ZFYVE9: variants seen among roughly 807,000 people sequenced by gnomAD.
ZFYVE9 encodes zinc finger FYVE-type containing 9.
ZFYVE9 carries 43 observed loss-of-function variants against 126.7 expected under a neutral mutation model. The observed-to-expected ratio is 0.34, with a 90% CI of 0.27 to 0.44. The LOEUF is 0.44. Ranked by LOEUF, ZFYVE9 falls within the 20% of genes least tolerant of loss-of-function variation. The pLI is 1.00. For missense variants in ZFYVE9, 1,476 were observed against 1,697.0 expected (o/e 0.87, Z 2.29); for synonymous variants, 521 against 597.4 (o/e 0.87, Z 1.87).
chr1:52,257,529 G>A (rs1184735803), intron 4 of ZFYVE9, among the ~76,000 whole-genome samples: 1 of 152,148 alleles, frequency 6.6e-6, no homozygotes, highest in Non-Finnish European at 1.5e-5. Context: ...TGCTTAGGCA[G>A]GTCATACGGA....
chr1:52,214,217 A>G (rs1645052243), intron 1 of ZFYVE9, among the ~76,000 whole-genome samples: 1 of 152,156 alleles, frequency 6.6e-6, no homozygotes, highest in South Asian at 2.1e-4. Context: ...TCTTGAGGTC[A>G]GTAGTTTGAG....
chr1:52,216,014 A>G (rs1189785640), intron 1 of ZFYVE9, among the ~76,000 whole-genome samples: 1 of 152,236 alleles, frequency 6.6e-6, no homozygotes, highest in Non-Finnish European at 1.5e-5. Flanking sequence ...CAGTTTTCTT[A>G]GCTTTGGATT....
chr1:52,238,404 T>A lies in ZFYVE9; in HGVS notation c.987T>A (p.Thr329=). The change falls in exon 4 of 19, where the codon ACT becomes ACA. Residue 329 remains threonine (T), a synonymous_variant. Coordinates refer to ENST00000287727, the MANE Select transcript of ZFYVE9 (RefSeq NM_004799.4). ...MKKEPAEEST[T]EESLRSGLPL... ...AAGAGCCAGCAGAGGAGAGCACCACTGAAGAATCCCTCCGGTCTGGTTTAC... is the reference window on the plus strand; with the variant it reads ...AAGAGCCAGCAGAGGAGAGCACCACAGAAGAATCCCTCCGGTCTGGTTTAC... 6.2e-7 allele frequency: 1 copy of A among 1,614,026 alleles called. No homozygotes were observed. The highest frequency in any genetic ancestry group is 8.5e-7 in the Non-Finnish European group (1 of 1,179,964).
intron 1 of ZFYVE9, among the ~76,000 whole-genome samples, chr1:52,207,999 C>T (rs1376444813): frequency 2.6e-5 from 4 of 152,136 alleles, no homozygotes; most frequent in African/African-American, 9.7e-5. Flanking sequence ...GAGAGGTTAT[C>T]TTGCTCAAAG....
At chr1:52,186,318 C>T (rs1246664871) in intron 1 of ZFYVE9, among the ~76,000 whole-genome samples, 1 of 151,842 alleles carries the variant, frequency 6.6e-6, no homozygotes, top group African/African-American at 2.4e-5. Flanking sequence ...AAGGAACATA[C>T]CTTAAAATAA....
intron 8 of ZFYVE9, among the ~76,000 whole-genome samples, chr1:52,275,686 A>G (rs1168942564): frequency 6.6e-6 from 1 of 152,186 alleles, no homozygotes; most frequent in African/African-American, 2.4e-5. Context: ...TACAATTACT[A>G]CATTTTTAGA....
intron 1 of ZFYVE9, among the ~76,000 whole-genome samples, chr1:52,214,410 G>T (rs762888574): frequency 2.6e-5 from 4 of 152,100 alleles, no homozygotes; most frequent in Non-Finnish European, 5.9e-5. Context: ...CTGGGTGATT[G>T]AGTGAGACTC....
intron 13 of ZFYVE9, among the ~76,000 whole-genome samples, chr1:52,310,455 TCCTAGGTAC>T (rs1646127309): frequency 7.3e-6 from 1 of 137,350 alleles, no homozygotes; most frequent in East Asian, 2.5e-4. Context: ...ATGTGTATAG[TCCTAGGTAC>T]AGGCTGAGGT....
chr1:52,278,373 C>T (rs1338304101), intron 8 of ZFYVE9, 119 bp from the exon 9 acceptor site: 2 of 1,303,460 alleles, frequency 1.5e-6, no homozygotes, highest in Non-Finnish European at 2.2e-6. Flanking sequence ...TCTGTATGCA[C>T]CTATTGATAA....
intron 4 of ZFYVE9, among the ~76,000 whole-genome samples, chr1:52,243,184 C>T (rs1645352074): frequency 6.6e-6 from 1 of 152,212 alleles, no homozygotes. Flanking sequence ...TGTCACTGTG[C>T]TGGGTGCCGA....
At chr1:52,251,132 C>T (rs949486528) in intron 4 of ZFYVE9, among the ~76,000 whole-genome samples, 10 of 151,780 alleles carry the variant, frequency 6.6e-5, no homozygotes, top group Admixed American at 6.6e-5. Flanking sequence ...AGTGCAGTGG[C>T]GCGATCTTGG....
intron 13 of ZFYVE9, among the ~76,000 whole-genome samples, chr1:52,310,362 AACTC>A (rs1287462738): frequency 6.6e-6 from 1 of 152,168 alleles, no homozygotes; most frequent in Non-Finnish European, 1.5e-5. Context: ...TCTTTACACT[AACTC>A]TATGACATGA....
At chr1:52,201,262 T>C (rs1371540236) in intron 1 of ZFYVE9, among the ~76,000 whole-genome samples, 1 of 152,196 alleles carries the variant, frequency 6.6e-6, no homozygotes, top group African/African-American at 2.4e-5. Flanking sequence ...TGTTTTTAAT[T>C]TTAACTTCAA....
intron 1 of ZFYVE9, among the ~76,000 whole-genome samples, chr1:52,203,340 G>A (rs192974865): frequency 3.3e-5 from 5 of 151,580 alleles, no homozygotes; most frequent in East Asian, 1.9e-4. Flanking sequence ...CGCCACTACC[G>A]TCCGGCTAAT....
chr1:52,175,162 T>G (rs1179866488), intron 1 of ZFYVE9, among the ~76,000 whole-genome samples: 2 of 152,072 alleles, frequency 1.3e-5, no homozygotes, highest in African/African-American at 4.8e-5. Context: ...CTTTCCATGT[T>G]TAGTGCTTCC....
At chr1:52,306,543 A>G (rs1457944114) in intron 13 of ZFYVE9, among the ~76,000 whole-genome samples, 1 of 152,222 alleles carries the variant, frequency 6.6e-6, no homozygotes, top group Non-Finnish European at 1.5e-5. Context: ...GACCTGCCAA[A>G]TGGCAGGGCT....
Position 52,204,309 on chromosome 1 carries a change from G to T in ZFYVE9, c.-142-12060G>T, listed in dbSNP as rs550261913. Among the ~76,000 whole-genome samples the T allele has an allele frequency of 2.6e-5, 4 of 152,264 alleles. No individual in the cohort carries two copies. The South Asian group carries it at 6.2e-4, about 24-fold the overall frequency. ...TCAGTTTTCTCCCCTGTTTAGAGGG[G>T]ACAGGATAGCAAGAATGGGCTGGAG... On this transcript the variant is annotated intron_variant, in intron 1 of 18. Transcript: ENST00000287727.
chr1:52,182,592 A>T lies in ZFYVE9; in HGVS notation c.-142-33777A>T, dbSNP rs544595222. ...TCATCACCACTCCCTAATCTCAAGT[A>T]CCCAGGGACACAAACACTGCGGAAG... On this transcript the variant is annotated intron_variant, in intron 1 of 18. Transcript: ENST00000287727. Among the ~76,000 whole-genome samples the T allele has an allele frequency of 3.5e-3, 531 of 151,950 alleles. 2 individuals carry two copies. The highest frequency in any genetic ancestry group is 0.012 in the African/African-American group (504 of 41,462).
chr1:52,346,465 AAC>A lies in ZFYVE9; in HGVS notation c.*246_*247del. Reference sequence around the variant, plus strand: ...ATCTGGGCAGCTTCTGTTCCTGCACAACAGTTATGCTATCCTTGCAGCTAATC... The same window carrying A: ...ATCTGGGCAGCTTCTGTTCCTGCACAAGTTATGCTATCCTTGCAGCTAATC... On this transcript the variant is annotated 3_prime_UTR_variant, in exon 19 of 19. Coordinates refer to ENST00000287727, the MANE Select transcript of ZFYVE9 (RefSeq NM_004799.4). 1 of 446,482 alleles carries A rather than the reference AAC, an allele frequency of 2.2e-6. No individual in the cohort carries two copies. The allele number at this position is 446,482 out of a possible 1,614,324, so 27.7% of individuals were successfully genotyped here.
Sources: allele counts gnomAD v4.1 joint callset (sites outside exome capture counted in the v4.1 genomes callset), GRCh38; gene constraint gnomAD v4.1.1; transcripts MANE v1.5; gene names NCBI Gene and HGNC (gene_info 2026-07-23, HGNC 2026-07-21).